Variants in ARF5 observed in about 807,000 individuals in gnomAD.
ARF5 encodes ADP-ribosylation factor 5.
In ARF5, 10 loss-of-function variants were observed where a neutral mutation model predicts 24.8. The observed-to-expected ratio is 0.40, with a 90% CI of 0.25 to 0.68. ARF5 has a LOEUF of 0.68. Among genes scored for constraint, ARF5 ranks in the 30% least tolerant of loss-of-function variants. ARF5 has a pLI of 0.36. For synonymous variants in ARF5, 102 were observed against 95.1 expected (o/e 1.07, Z -0.42); for missense variants, 135 against 239.2 (o/e 0.56, Z 2.87).
Position 127,588,479 on chromosome 7 carries a change from G to C in ARF5, c.-20G>C, listed in dbSNP as rs1396404401. ...GCCCGCACCCCGCGTCGGTGCCCGC[G>C]CCCCTCCCCGGGCCCCGCCATGGGC... On this transcript the variant is annotated 5_prime_UTR_variant, in exon 1 of 6. Transcript: ENST00000000233. 1.4e-6 allele frequency: 2 copies of C among 1,417,234 alleles called. No homozygotes were observed. Among genetic ancestry groups the C allele is most frequent in the South Asian group, 1.5e-5 (1 of 66,730 alleles). The allele number at this position is 1,417,234 out of a possible 1,614,324, so 87.8% of individuals were successfully genotyped here.
Position 127,591,356 on chromosome 7 carries a change from C to A in ARF5, c.*57C>A. 2 of 1,449,128 alleles carry A rather than the reference C, an allele frequency of 1.4e-6. No individual in the cohort carries two copies. Among genetic ancestry groups the A allele is most frequent in the Admixed American group, 2.5e-5 (1 of 40,478 alleles). 89.8% of individuals were successfully genotyped at this position (1,449,128 alleles called of 1,614,324 possible). ...GCTCCTGCGTGCATCCCCGGGATGACCAGACTCCCGGACTCCTCAGGCAGT... is the reference window on the plus strand; with the variant it reads ...GCTCCTGCGTGCATCCCCGGGATGAACAGACTCCCGGACTCCTCAGGCAGT... On this transcript the variant is annotated 3_prime_UTR_variant, in exon 6 of 6. Coordinates refer to ENST00000000233, the MANE Select transcript of ARF5 (RefSeq NM_001662.4).
At chr7:127,589,350 G>A in intron 2 of ARF5, 135 bp from the exon 3 acceptor site, 2 of 1,054,302 alleles carry the variant, frequency 1.9e-6, no homozygotes, top group Non-Finnish European at 2.9e-6. Context: ...CCTGTTGACC[G>A]CCAGTTCTGG....
At position 127,589,609 on chromosome 7, in the gene ARF5, G is replaced by C. The variant is rs1243432326; in HGVS notation, c.258+15G>C. The C allele has an allele frequency of 6.3e-7, 1 of 1,588,658 alleles. No individual in the cohort carries two copies. Among genetic ancestry groups the C allele is most frequent in the Admixed American group, 1.7e-5 (1 of 58,346 alleles). On this transcript the variant is annotated intron_variant, in intron 3 of 5. Coordinates refer to ENST00000000233, the MANE Select transcript of ARF5 (RefSeq NM_001662.4). ...AGAACACTCAGGTGGAGTGTTGGGA[G>C]GGGACTTTCTAACCCCACGGGAAAA... is the stretch of plus-strand genomic sequence containing the variant.
intron 3 of ARF5, 141 bp downstream of exon 3, chr7:127,589,735 TACTC>T (rs1434087036): frequency 3.0e-6 from 2 of 661,436 alleles, no homozygotes; most frequent in Admixed American, 2.9e-5. Flanking sequence ...GGCTATCCCC[TACTC>T]ACTCTTCAGA....
Position 127,590,298 on chromosome 7 carries a change from G to T in ARF5, c.330+161G>T, listed in dbSNP as rs28482154. On this transcript the variant is annotated intron_variant, in intron 4 of 5. Coordinates refer to ENST00000000233, the MANE Select transcript of ARF5 (RefSeq NM_001662.4). ...TGTGTATCTCACCCTGTTTTGGATG[G>T]GAGTGACTTTTTCACTTTTTCTGTG... Among the ~76,000 whole-genome samples the T allele has an allele frequency of 0.22, 33,860 of 151,900 alleles. 3,904 individuals are homozygous for T. Among genetic ancestry groups the T allele is most frequent in the African/African-American group, 0.27 (11,063 of 41,420 alleles).
At chr7:127,590,920 A>G (rs1479139474) in intron 4 of ARF5, 43 bp from the exon 5 acceptor site, 2 of 1,593,338 alleles carry the variant, frequency 1.3e-6, no homozygotes, top group East Asian at 2.2e-5. Context: ...AACACAGTAG[A>G]GGAGACGCAG....
chr7:127,590,228 C>A, intron 4 of ARF5, 91 bp downstream of exon 4: 2 of 993,354 alleles, frequency 2.0e-6, no homozygotes, highest in Non-Finnish European at 3.2e-6. Flanking sequence ...CCCCAACAGG[C>A]ATTGAAGACC....
rs1363535096 is a variant in ARF5 at position 127,588,475 on chromosome 7, C to T, written c.-24C>T. 6.3e-6 allele frequency: 9 copies of T among 1,425,114 alleles called. No homozygotes were observed. Among genetic ancestry groups the T allele is most frequent in the Non-Finnish European group, 8.4e-6 (9 of 1,077,194 alleles). The allele number at this position is 1,425,114 out of a possible 1,614,324, so 88.3% of individuals were successfully genotyped here. ...TCCAGCCCGCACCCCGCGTCGGTGCCCGCGCCCCTCCCCGGGCCCCGCCAT... is the reference window on the plus strand; with the variant it reads ...TCCAGCCCGCACCCCGCGTCGGTGCTCGCGCCCCTCCCCGGGCCCCGCCAT... On this transcript the variant is annotated 5_prime_UTR_variant, in exon 1 of 6. Transcript: ENST00000000233.
intron 1 of ARF5, 25 bp from the exon 2 acceptor site, chr7:127,589,058 A>T (rs1260756501): frequency 6.2e-7 from 1 of 1,613,548 alleles, no homozygotes; most frequent in South Asian, 1.1e-5. Context: ...TCCCATCTCC[A>T]TCCCTGTGCC....
Position 127,591,605 on chromosome 7 carries a change from A to C in ARF5, c.*306A>C. 1 of 344,780 alleles carries C rather than the reference A, an allele frequency of 2.9e-6. No homozygotes were observed. Among genetic ancestry groups the C allele is most frequent in the Non-Finnish European group, 5.3e-6 (1 of 189,464 alleles). 21.4% of individuals were successfully genotyped at this position (344,780 alleles called of 1,614,324 possible). A position where few individuals can be genotyped will look rare whatever the true frequency, so the allele number is the denominator to read the frequency against. On this transcript the variant is annotated 3_prime_UTR_variant, in exon 6 of 6. Transcript: ENST00000000233. ...CCTTTTTTTTTTCTGTTTTGGGTGTACTCTAGGGGCCAGGTTGGGAGGGGG... is the reference window on the plus strand; with the variant it reads ...CCTTTTTTTTTTCTGTTTTGGGTGTCCTCTAGGGGCCAGGTTGGGAGGGGG...
rs749643254 is a variant in ARF5 at position 127,591,087 on chromosome 7, C to A, written c.455C>A (p.Thr152Lys). The A allele has an allele frequency of 1.2e-6, 2 of 1,613,812 alleles. No individual in the cohort carries two copies. The change falls in exon 5 of 6, where the codon ACG becomes AAG. Residue 152 changes from threonine to lysine, a missense_variant and splice_region_variant. Physicochemically the swap from Thr to Lys is moderately conservative, Grantham distance 78 (BLOSUM62 -1). Transcript: ENST00000000233. ...KLGLQHLRSRTWYVQATCATQ... is the reference protein window; with the variant it reads ...KLGLQHLRSRKWYVQATCATQ... ...GGGCTACAGCACTTACGCAGCCGCA[C>A]GGTAGGGGTCCTGCCCACCTGGTGC...
Position 127,588,416 on chromosome 7 carries a change from G to C in ARF5, c.-83G>C. On this transcript the variant is annotated 5_prime_UTR_variant, in exon 1 of 6. Transcript: ENST00000000233. The stretch of plus-strand genomic sequence containing the variant: ...GGCGGCGGCGGAGCCTCCTCCTGCT[G>C]CTGCTGCGCCCCATCCCCCCGCGGC... The C allele has an allele frequency of 1.1e-6, 1 of 902,462 alleles. No homozygotes were observed. The highest frequency in any genetic ancestry group is 1.5e-6 in the Non-Finnish European group (1 of 678,804). 55.9% of individuals were successfully genotyped at this position (902,462 alleles called of 1,614,324 possible).
intron 2 of ARF5, 77 bp from the exon 3 acceptor site, chr7:127,589,408 C>G (rs562012325): frequency 1.5e-6 from 2 of 1,294,520 alleles, no homozygotes; most frequent in East Asian, 2.3e-5. Context: ...TTTTGTGTCC[C>G]TGCTGAAATC....
intron 1 of ARF5, 56 bp downstream of exon 1, chr7:127,588,621 T>G: frequency 7.8e-7 from 1 of 1,276,908 alleles, no homozygotes; most frequent in Non-Finnish European, 1.0e-6. Flanking sequence ...GCGCAGCCCT[T>G]CCGCCCCCGC....
At chr7:127,590,303 GACTTTTTC>G (rs1044301967) in intron 4 of ARF5, among the ~76,000 whole-genome samples, 166 bp downstream of exon 4, 1 of 151,910 alleles carries the variant, frequency 6.6e-6, no homozygotes, top group African/African-American at 2.4e-5. Context: ...GGATGGGAGT[GACTTTTTC>G]ACTTTTTCTG....
intron 1 of ARF5, 46 bp from the exon 2 acceptor site, chr7:127,589,037 G>T: frequency 6.2e-7 from 1 of 1,603,418 alleles, no homozygotes; most frequent in African/African-American, 1.3e-5. Flanking sequence ...GTCTCTAGGG[G>T]GCTCCCTCGC....
chr7:127,590,871 T>C, intron 4 of ARF5, 92 bp from the exon 5 acceptor site: 1 of 1,479,466 alleles, frequency 6.8e-7, no homozygotes, highest in Non-Finnish European at 9.1e-7. Context: ...TACTTTTTTT[T>C]TCCAATCAAG....
chr7:127,589,214 G>A (rs1168802083), intron 2 of ARF5, 51 bp downstream of exon 2: 2 of 1,593,846 alleles, frequency 1.3e-6, no homozygotes, highest in African/African-American at 2.7e-5. Flanking sequence ...GGGCCCTCGC[G>A]GGGTCTGCTC....
chr7:127,588,878 G>C (rs140925001), intron 1 of ARF5: 3 of 636,146 alleles, frequency 4.7e-6, no homozygotes, highest in Non-Finnish European at 8.1e-6. Flanking sequence ...TTGCCTCCCA[G>C]TCCTCTCCCG....
Sources: allele counts gnomAD v4.1 joint callset (sites outside exome capture counted in the v4.1 genomes callset), GRCh38; gene constraint gnomAD v4.1.1; transcripts MANE v1.5; gene names NCBI Gene and HGNC (gene_info 2026-07-23, HGNC 2026-07-21).